Variants in CLXN observed in about 807,000 individuals in gnomAD.
CLXN encodes the protein EF-hand calcium binding domain 1.
chr8:48,731,884 T>C, the CLXN span, among the ~76,000 whole-genome samples: 2 of 152,160 alleles, frequency 1.3e-5, no homozygotes. Flanking sequence ...TTACAACTTC[T>C]TTTCCCTGGA....
the CLXN span, among the ~76,000 whole-genome samples, chr8:48,716,828 C>G: frequency 6.6e-6 from 1 of 151,704 alleles, no homozygotes; most frequent in African/African-American, 2.4e-5. Flanking sequence ...GGGCCATAAT[C>G]AAGTGAACCA....
chr8:48,714,925 T>A, the CLXN span: 1 of 152,202 alleles, frequency 6.6e-6, no homozygotes, highest in Non-Finnish European at 1.5e-5. Flanking sequence ...GACATGTCAA[T>A]GGCATGAAAG....
chr8:48,732,683 C>G, the CLXN span, among the ~76,000 whole-genome samples: 1 of 152,102 alleles, frequency 6.6e-6, no homozygotes, highest in Non-Finnish European at 1.5e-5. Flanking sequence ...ATAGTGTCAT[C>G]ATTCACAACA....
chr8:48,730,543 T>C, the CLXN span: 1 of 1,603,666 alleles, frequency 6.2e-7, no homozygotes, highest in African/African-American at 1.3e-5. Flanking sequence ...ATCTTACATT[T>C]CATTTTTTCT....
the CLXN span, chr8:48,734,964 T>G: frequency 3.9e-6 from 4 of 1,020,572 alleles, no homozygotes; most frequent in Admixed American, 4.6e-5. Context: ...GGGGCCGGGG[T>G]GGAGGGGCGG....
the CLXN span, chr8:48,711,965 C>T: frequency 6.6e-6 from 1 of 152,272 alleles, no homozygotes; most frequent in East Asian, 1.9e-4. Context: ...GGAACAAAAG[C>T]GCTCATTAGA....
chr8:48,729,040 AC>A, the CLXN span: 1 of 1,603,474 alleles, frequency 6.2e-7, no homozygotes, highest in South Asian at 1.1e-5. Flanking sequence ...TCATATCAAT[AC>A]CTTTGGATCA....
the CLXN span, among the ~76,000 whole-genome samples, chr8:48,733,167 C>T: frequency 1.3e-5 from 2 of 151,972 alleles, no homozygotes; most frequent in Middle Eastern, 3.2e-3. Context: ...TTAGTTGTTG[C>T]GGAAGAAAAG....
At chr8:48,720,720 C>G in the CLXN span, among the ~76,000 whole-genome samples, 1 of 152,072 alleles carries the variant, frequency 6.6e-6, no homozygotes, top group South Asian at 2.1e-4. Context: ...GCTTTTTGCC[C>G]TTTGAAGCAT....
the CLXN span, chr8:48,735,096 T>A: frequency 6.2e-7 from 1 of 1,614,166 alleles, no homozygotes; most frequent in Non-Finnish European, 8.5e-7. Flanking sequence ...TTACTTACAA[T>A]GCTTGCAATT....
chr8:48,730,588 G>T, the CLXN span: 1 of 1,611,498 alleles, frequency 6.2e-7, no homozygotes, highest in South Asian at 1.1e-5. Context: ...GATAATCCAT[G>T]AATCCACTCC....
At chr8:48,724,742 T>C in the CLXN span, 1 of 1,609,342 alleles carries the variant, frequency 6.2e-7, no homozygotes, top group Non-Finnish European at 8.5e-7. Flanking sequence ...ATTTAGTTAT[T>C]CACATATCAT....
At chr8:48,724,715 C>A in the CLXN span, 1 of 1,571,446 alleles carries the variant, frequency 6.4e-7, no homozygotes, top group Non-Finnish European at 8.7e-7. Context: ...TTTTTACTCA[C>A]TTGAGACAAT....
At chr8:48,711,737 A>G in the CLXN span, 6 of 152,322 alleles carry the variant, frequency 3.9e-5, no homozygotes, top group Middle Eastern at 3.4e-3. Flanking sequence ...TGTGGCGAGA[A>G]CAGATTTGCT....
At chr8:48,714,356 G>A in the CLXN span, among the ~76,000 whole-genome samples, 1 of 152,140 alleles carries the variant, frequency 6.6e-6, no homozygotes, top group Non-Finnish European at 1.5e-5. Context: ...AAGTGATTTG[G>A]GCAGTTTATG....
chr8:48,731,562 A>G, the CLXN span: 2 of 1,429,382 alleles, frequency 1.4e-6, no homozygotes, highest in Non-Finnish European at 1.9e-6. Flanking sequence ...TTCTAACTTA[A>G]ATTTTGCAAT....
the CLXN span, chr8:48,723,266 T>C: frequency 1.3e-5 from 2 of 152,292 alleles, no homozygotes; most frequent in Admixed American, 6.5e-5. Context: ...ATATATACAG[T>C]TTTAAATTAT....
the CLXN span, chr8:48,730,226 C>T: frequency 7.5e-5 from 23 of 305,402 alleles, no homozygotes; most frequent in African/African-American, 4.7e-4. Context: ...TTTATGGTTA[C>T]AATTCAAGTA....
chr8:48,733,606 A>G, the CLXN span, among the ~76,000 whole-genome samples: 1 of 152,244 alleles, frequency 6.6e-6, no homozygotes, highest in Non-Finnish European at 1.5e-5. Flanking sequence ...TAAAATTATT[A>G]TAATGTCCAT....
Sources: gnomAD v4.1 joint callset for allele counts (sites outside exome capture counted in the v4.1 genomes callset) on GRCh38, gnomAD v4.1.1 for gene constraint, MANE v1.5 for transcripts, NCBI Gene and HGNC (gene_info 2026-07-23, HGNC 2026-07-21) for gene names.